Variants in DLC1 observed in about 807,000 individuals in gnomAD.
The protein encoded by DLC1 is DLC1 Rho GTPase activating protein.
DLC1 carries 54 observed loss-of-function variants against 140.3 expected under a neutral mutation model. The observed-to-expected ratio is 0.38, with a 90% CI of 0.31 to 0.48. The LOEUF (loss-of-function observed/expected upper bound fraction) is 0.48, where lower values mean the gene tolerates loss of function less well. Among genes scored for constraint, DLC1 ranks in the 20% least tolerant of loss-of-function variants. DLC1 has a pLI of 0.96. For missense variants in DLC1, 2,536 were observed against 1,907.0 expected, an observed-to-expected ratio of 1.33 and a Z score of -6.14; for synonymous variants, 986 against 728.1, an observed-to-expected ratio of 1.35 and a Z score of -5.70.
At chr8:13,458,308 C>T (rs755350823) in intron 2 of DLC1, among the ~76,000 whole-genome samples, 8 of 152,126 alleles carry the variant, frequency 5.3e-5, no homozygotes, top group South Asian at 2.1e-4. Flanking sequence ...AAACTTTAAC[C>T]TTGCTCCATA....
At chr8:13,442,002 CA>C (rs1798534147) in intron 2 of DLC1, among the ~76,000 whole-genome samples, 1 of 152,140 alleles carries the variant, frequency 6.6e-6, no homozygotes, top group African/African-American at 2.4e-5. Flanking sequence ...GGTACCAAAA[CA>C]AGATACAGAC....
chr8:13,451,410 A>G (rs1209374488), intron 2 of DLC1, among the ~76,000 whole-genome samples: 1 of 152,138 alleles, frequency 6.6e-6, no homozygotes, highest in Non-Finnish European at 1.5e-5. Flanking sequence ...AAAATGTACA[A>G]TTAAATTATT....
At chr8:13,454,335 G>GA (rs1799293635) in intron 2 of DLC1, among the ~76,000 whole-genome samples, 6 of 150,872 alleles carry the variant, frequency 4.0e-5, no homozygotes, top group South Asian at 2.1e-4. Context: ...ATCTCTTAGG[G>GA]GAAAAAAAAA....
At position 13,347,579 on chromosome 8, in the gene DLC1, T is replaced by C. The variant is rs530210605; in HGVS notation, c.1315-42277A>G. 4.6e-5 allele frequency among the ~76,000 whole-genome samples: 7 copies of C among 152,236 alleles called. No homozygotes were observed. In the East Asian group the frequency reaches 1.4e-3, roughly 29 times the overall value. ...TTTAAGACTTGAATTAGTTTGAGGG[T>C]TAGAGGATAGTCCTAGGCACCAGAA... is the stretch of plus-strand genomic sequence containing the variant. On this transcript the variant is annotated intron_variant, in intron 4 of 17. Coordinates refer to ENST00000276297, the MANE Select transcript of DLC1 (RefSeq NM_182643.3).
chr8:13,350,643 G>C (rs916487033), intron 4 of DLC1, among the ~76,000 whole-genome samples: 1 of 152,122 alleles, frequency 6.6e-6, no homozygotes, highest in Non-Finnish European at 1.5e-5. Context: ...TTGAACCAGG[G>C]AGGCGGAGGT....
At chr8:13,538,687 A>G (rs1803382349) in intron 1 of DLC1, among the ~76,000 whole-genome samples, 2 of 152,140 alleles carry the variant, frequency 1.3e-5, no homozygotes, top group Admixed American at 6.5e-5. Flanking sequence ...GGTTTTACAG[A>G]TGGAGAAACA....
chr8:13,377,295 T>A (rs187847321), intron 4 of DLC1, among the ~76,000 whole-genome samples: 5 of 152,332 alleles, frequency 3.3e-5, no homozygotes, highest in Non-Finnish European at 7.3e-5. Flanking sequence ...TTGGAAGTAA[T>A]CATGCATATG....
chr8:13,597,162 A>G (rs1805708951), intron 1 of DLC1, among the ~76,000 whole-genome samples: 1 of 152,054 alleles, frequency 6.6e-6, no homozygotes. Context: ...TTCTTATCAA[A>G]TTTATTGATA....
chr8:13,278,782 A>G (rs1232481638), intron 5 of DLC1, among the ~76,000 whole-genome samples: 1 of 152,204 alleles, frequency 6.6e-6, no homozygotes, highest in Non-Finnish European at 1.5e-5. Context: ...GGAGCAGTAA[A>G]GGGAAATAAG....
chr8:13,346,961 G>A (rs559044314), intron 4 of DLC1, among the ~76,000 whole-genome samples: 1 of 152,320 alleles, frequency 6.6e-6, no homozygotes, highest in South Asian at 2.1e-4. Context: ...TATTCTGAGA[G>A]AGAGTCCACA....
intron 5 of DLC1, among the ~76,000 whole-genome samples, chr8:13,225,395 C>T (rs2117175594): frequency 6.6e-6 from 1 of 152,210 alleles, no homozygotes. Flanking sequence ...TTGGCACCTA[C>T]AACCAGGGAG....
chr8:13,392,310 A>G (rs1337332212), intron 4 of DLC1, among the ~76,000 whole-genome samples: 25 of 152,152 alleles, frequency 1.6e-4, no homozygotes, highest in Non-Finnish European at 1.5e-5. Context: ...AGTCTTTTTC[A>G]TGTAGCCTAG....
intron 5 of DLC1, among the ~76,000 whole-genome samples, chr8:13,190,444 G>A (rs1826682486): frequency 6.6e-6 from 1 of 152,180 alleles, no homozygotes; most frequent in African/African-American, 2.4e-5. Flanking sequence ...TCTGTCTGCA[G>A]ACAGTATTCT....
At chr8:13,086,581 G>C in intron 16 of DLC1, 118 bp from the exon 17 acceptor site, 1 of 1,149,438 alleles carries the variant, frequency 8.7e-7, no homozygotes, top group Non-Finnish European at 1.2e-6. Context: ...TGGCCATGCT[G>C]TGTGACCCAG....
At chr8:13,237,584 C>G (rs1167963193) in intron 5 of DLC1, among the ~76,000 whole-genome samples, 1 of 152,048 alleles carries the variant, frequency 6.6e-6, no homozygotes, top group Admixed American at 6.6e-5. Context: ...AGTGTACCCA[C>G]TGTGTAGACT....
intron 2 of DLC1, among the ~76,000 whole-genome samples, chr8:13,407,152 C>T (rs1169291411): frequency 6.6e-6 from 1 of 152,156 alleles, no homozygotes; most frequent in African/African-American, 2.4e-5. Context: ...TGTCCAAGCC[C>T]ATGGTGGTAA....
At chr8:13,116,286 T>C (rs545527564) in intron 5 of DLC1, 4 of 945,230 alleles carry the variant, frequency 4.2e-6, no homozygotes, top group East Asian at 1.2e-4. Context: ...TAATAAAGCT[T>C]CTACCTCCCT....
intron 1 of DLC1, among the ~76,000 whole-genome samples, chr8:13,564,739 T>C (rs1444790888): frequency 1.3e-5 from 2 of 152,330 alleles, no homozygotes; most frequent in East Asian, 1.9e-4. Flanking sequence ...CTGCAAAGCA[T>C]TCTTGATCAT....
intron 1 of DLC1, among the ~76,000 whole-genome samples, chr8:13,539,185 G>T (rs4607614): frequency 6.6e-6 from 1 of 151,354 alleles, no homozygotes; most frequent in Non-Finnish European, 1.5e-5. Context: ...GTATGTATGT[G>T]TGTATGTATG....
Sources: allele counts gnomAD v4.1 joint callset (sites outside exome capture counted in the v4.1 genomes callset), GRCh38; gene constraint gnomAD v4.1.1; transcripts MANE v1.5; gene names NCBI Gene and HGNC (gene_info 2026-07-23, HGNC 2026-07-21).